LAMA2: variants seen among roughly 807,000 people sequenced by gnomAD.
LAMA2 encodes laminin subunit alpha 2, also known as laminin subunit alpha-2.
In LAMA2, 269 loss-of-function variants were observed where a neutral mutation model predicts 364.8. That is an observed-to-expected ratio of 0.74 (90% CI 0.67 to 0.82). LAMA2 has a LOEUF of 0.82. LAMA2 is among the 40% of genes least tolerant of loss of function. LAMA2 has a pLI of 0.00. For missense variants in LAMA2, 3,807 were observed against 3,873.2 expected (o/e 0.98, Z 0.45); for synonymous variants, 1,379 against 1,370.6 (o/e 1.01, Z -0.14).
chr6:129,048,283 C>G (rs1440090550), intron 1 of LAMA2, among the ~76,000 whole-genome samples: 2 of 152,042 alleles, frequency 1.3e-5, no homozygotes, highest in African/African-American at 4.8e-5. Context: ...AGTGCCTACT[C>G]TGTCCCTACT....
chr6:129,178,793 T>G (rs1780761152), intron 10 of LAMA2, among the ~76,000 whole-genome samples: 1 of 152,144 alleles, frequency 6.6e-6, no homozygotes, highest in South Asian at 2.1e-4. Context: ...TATACAACCA[T>G]TAAGCCATAA....
At chr6:129,411,995 T>A (rs1342802310) in intron 40 of LAMA2, among the ~76,000 whole-genome samples, 1 of 152,136 alleles carries the variant, frequency 6.6e-6, no homozygotes, top group Non-Finnish European at 1.5e-5. Flanking sequence ...TATTCTTGAA[T>A]TCTGGGGAGG....
chr6:129,462,674 G>T (rs144583413), intron 49 of LAMA2, among the ~76,000 whole-genome samples: 1 of 151,962 alleles, frequency 6.6e-6, no homozygotes, highest in African/African-American at 2.4e-5. Flanking sequence ...TTTTTAGCAG[G>T]TCAGCCCCAA....
chr6:128,953,207 T>A (rs1358554931), intron 1 of LAMA2, among the ~76,000 whole-genome samples: 1 of 152,214 alleles, frequency 6.6e-6, no homozygotes, highest in African/African-American at 2.4e-5. Flanking sequence ...AAGTCCATGC[T>A]TCTTCCGAGT....
intron 4 of LAMA2, among the ~76,000 whole-genome samples, chr6:129,100,922 A>T (rs1775483122): frequency 6.6e-6 from 1 of 152,240 alleles, no homozygotes; most frequent in Admixed American, 6.5e-5. Flanking sequence ...AGCTTTGGCT[A>T]TCATACAACA....
chr6:128,892,694 G>C (rs1052526305), intron 1 of LAMA2, among the ~76,000 whole-genome samples: 3 of 151,740 alleles, frequency 2.0e-5, no homozygotes, highest in African/African-American at 7.2e-5. Context: ...TCTCAATATA[G>C]ATTGTCTTTA....
chr6:129,430,457 C>A (rs1475348783), intron 41 of LAMA2, among the ~76,000 whole-genome samples: 2 of 152,140 alleles, frequency 1.3e-5, no homozygotes, highest in South Asian at 4.1e-4. Flanking sequence ...ATTTGTTTTG[C>A]TTTTTAATTT....
intron 4 of LAMA2, among the ~76,000 whole-genome samples, chr6:129,121,910 T>A (rs935126244): frequency 6.6e-6 from 1 of 152,188 alleles, no homozygotes; most frequent in Non-Finnish European, 1.5e-5. Context: ...TAGCTTCAGT[T>A]GAGATAAAGG....
intron 42 of LAMA2, 79 bp downstream of exon 42, chr6:129,438,841 C>T: frequency 1.3e-6 from 1 of 799,284 alleles, no homozygotes; most frequent in Middle Eastern, 2.4e-4. Flanking sequence ...CCATTTTTTT[C>T]TAAGATTATT....
intron 3 of LAMA2, among the ~76,000 whole-genome samples, chr6:129,079,966 A>G (rs1773933755): frequency 6.6e-6 from 1 of 152,178 alleles, no homozygotes; most frequent in African/African-American, 2.4e-5. Context: ...AAAAAGAGTC[A>G]GTTAGTAAAT....
intron 1 of LAMA2, among the ~76,000 whole-genome samples, chr6:128,935,719 T>C (rs77535925): frequency 0.012 from 1,804 of 152,296 alleles, 40 homozygotes; most frequent in African/African-American, 0.039. Context: ...TCATATAAGA[T>C]CATGTCATCT....
At chr6:128,979,718 G>A (rs891707947) in intron 1 of LAMA2, among the ~76,000 whole-genome samples, 1 of 152,138 alleles carries the variant, frequency 6.6e-6, no homozygotes, top group African/African-American at 2.4e-5. Flanking sequence ...GCAAAGTATT[G>A]AGTTTTGTGC....
rs544906370 is a variant in LAMA2, at chr6:129,089,620, A to G, written c.397-8553A>G. On this transcript the variant is annotated intron_variant, in intron 3 of 64. Transcript: ENST00000421865. The stretch of plus-strand genomic sequence containing the variant: ...TGCCAATGACTTATTCACAGGAGGC[A>G]GGTCAATCTTTTGAAACCACAGATT... Among the ~76,000 whole-genome samples, 22 of 152,374 alleles carry G rather than the reference A, an allele frequency of 1.4e-4. No homozygotes were observed. The South Asian group carries it at 4.6e-3, about 32-fold the overall frequency.
chr6:129,402,593 T>A, intron 39 of LAMA2, 106 bp downstream of exon 39: 1 of 1,152,854 alleles, frequency 8.7e-7, no homozygotes, highest in Non-Finnish European at 1.3e-6. Context: ...TTTCTGTTAA[T>A]TATGAACACA....
chr6:129,019,836 A>C (rs1255665085), intron 1 of LAMA2, among the ~76,000 whole-genome samples: 1 of 152,136 alleles, frequency 6.6e-6, no homozygotes, highest in African/African-American at 2.4e-5. Flanking sequence ...TAATCCTAGC[A>C]CTTCTGTGAG....
intron 1 of LAMA2, among the ~76,000 whole-genome samples, chr6:129,037,094 A>G (rs936423005): frequency 2.0e-5 from 3 of 152,178 alleles, no homozygotes; most frequent in African/African-American, 7.2e-5. Context: ...AGAACATTTT[A>G]AATTGGTGTA....
At chr6:128,997,057 A>T (rs1053809732) in intron 1 of LAMA2, among the ~76,000 whole-genome samples, 1 of 151,852 alleles carries the variant, frequency 6.6e-6, no homozygotes, top group South Asian at 2.1e-4. Flanking sequence ...GTTCTCACTC[A>T]TAAGTGGGTG....
intron 1 of LAMA2, among the ~76,000 whole-genome samples, chr6:129,010,935 G>A (rs142224259): frequency 3.9e-5 from 6 of 152,078 alleles, no homozygotes; most frequent in East Asian, 1.9e-4. Context: ...ATATATTCGC[G>A]TGTTCACTTT....
At chr6:128,955,786 TA>T (rs34426019) in intron 1 of LAMA2, among the ~76,000 whole-genome samples, 1 of 151,998 alleles carries the variant, frequency 6.6e-6, no homozygotes, top group Non-Finnish European at 1.5e-5. Flanking sequence ...ATCAAAGATT[TA>T]AAAGTTTTAG....
Sources: gnomAD v4.1 joint callset for allele counts (sites outside exome capture counted in the v4.1 genomes callset) on GRCh38, gnomAD v4.1.1 for gene constraint, MANE v1.5 for transcripts, NCBI Gene and HGNC (gene_info 2026-07-23, HGNC 2026-07-21) for gene names.